GLDN: variants seen among roughly 807,000 people sequenced by gnomAD.
The protein encoded by GLDN is gliomedin.
In GLDN, 47 loss-of-function variants were observed where a neutral mutation model predicts 56.5. That is an observed-to-expected ratio of 0.83 (90% confidence interval 0.66 to 1.06). GLDN has a LOEUF of 1.06. Ranked by LOEUF, GLDN falls within the 50% of genes least tolerant of loss-of-function variation. The pLI is 0.00. For missense variants in GLDN, 782 were observed against 714.3 expected, an observed-to-expected ratio of 1.09 and a Z score of -1.08; for synonymous variants, 332 against 278.8, an observed-to-expected ratio of 1.19 and a Z score of -1.90.
At chr15:51,396,367 A>G (rs1309595928) in intron 5 of GLDN, among the ~76,000 whole-genome samples, 1 of 152,220 alleles carries the variant, frequency 6.6e-6, no homozygotes, top group Non-Finnish European at 1.5e-5. Flanking sequence ...CATTTCCCCT[A>G]CAAATACAGT....
At chr15:51,409,298 C>T (rs1378490919), downstream of GLDN, among the ~76,000 whole-genome samples, 2 of 151,902 alleles carry the variant, frequency 1.3e-5, no homozygotes, top group African/African-American at 4.8e-5. Flanking sequence ...TCTTTCTAAC[C>T]TTCCCTAGAA....
chr15:51,351,748 T>C (rs1280626272), intron 1 of GLDN, among the ~76,000 whole-genome samples: 1 of 152,100 alleles, frequency 6.6e-6, no homozygotes, highest in African/African-American at 2.4e-5. Flanking sequence ...CCCCATTCTC[T>C]CTCCCTAATT....
At chr15:51,389,655 G>A (rs115457679) in intron 4 of GLDN, among the ~76,000 whole-genome samples, 1,886 of 152,230 alleles carry the variant, frequency 0.012, 53 homozygotes, top group African/African-American at 0.044. Context: ...TGGGAAAGGC[G>A]GGGGAACAGG....
At chr15:51,393,454 A>G (rs1367804105) in intron 4 of GLDN, among the ~76,000 whole-genome samples, 1 of 152,128 alleles carries the variant, frequency 6.6e-6, no homozygotes, top group African/African-American at 2.4e-5. Context: ...GGGAATGAGG[A>G]CTTTTTCCTG....
At chr15:51,351,486 C>T (rs896821772) in intron 1 of GLDN, among the ~76,000 whole-genome samples, 1 of 152,188 alleles carries the variant, frequency 6.6e-6, no homozygotes, top group Non-Finnish European at 1.5e-5. Flanking sequence ...TATTTAGTAG[C>T]TCTGCCCACT....
intron 1 of GLDN, among the ~76,000 whole-genome samples, chr15:51,359,579 A>G (rs988927387): frequency 5.3e-5 from 8 of 152,224 alleles, no homozygotes; most frequent in African/African-American, 1.9e-4. Context: ...GGGATTAAGA[A>G]AGACCAGAAA....
intron 2 of GLDN, among the ~76,000 whole-genome samples, chr15:51,381,889 C>CCTGCTTT (rs1566944993): frequency 6.6e-6 from 1 of 152,002 alleles, no homozygotes; most frequent in African/African-American, 2.4e-5. Context: ...GCTATCAAAC[C>CCTGCTTT]CACACTGCTT....
At chr15:51,400,312 A>G (rs748636690) in intron 7 of GLDN, 37 bp downstream of exon 7, 1 of 1,614,056 alleles carries the variant, frequency 6.2e-7, no homozygotes, top group Admixed American at 1.7e-5. Flanking sequence ...AAATTCAGAA[A>G]TTGAATACCT....
chr15:51,401,705 T>G lies in GLDN; in HGVS notation c.1140T>G (p.Ser380=). The change falls in exon 9 of 10, where the codon TCT becomes TCG. Residue 380 remains serine, a synonymous_variant. Transcript: ENST00000335449. The part of the protein sequence containing the change: ...HGCGHVVYNN[S]LYYHKGGSNT... ...GTGGGCACGTTGTTTACAACAACTC[T>G]CTCTACTACCACAAAGGGGGTTCTA... 6.2e-7 allele frequency: 1 copy of G among 1,614,174 alleles called. No homozygotes were observed. Among genetic ancestry groups the G allele is most frequent in the East Asian group, 2.2e-5 (1 of 44,882 alleles).
rs761612865 is a variant in GLDN, at chr15:51,404,326, T to G, written c.1228T>G (p.Leu410Val). The G allele has an allele frequency of 1.2e-6, 2 of 1,611,964 alleles. No homozygotes were observed. Among genetic ancestry groups the G allele is most frequent in the African/African-American group, 1.3e-5 (1 of 74,840 alleles). Residue 410 changes from leucine (L) to valine (V), a missense_variant, in exon 10 of 10, where the codon TTG becomes GTG. By Grantham distance (32) the Leu-to-Val change is conservative. Coordinates refer to ENST00000335449, the MANE Select transcript of GLDN (RefSeq NM_181789.4). ...TSQTLKLENA[L>V]YFDRKYLFAN... ...CCAAACTCTGAAGCTTGAAAATGCCTTGTATTTTGATCGAAAATACCTTTT... is the reference window on the plus strand; with the variant it reads ...CCAAACTCTGAAGCTTGAAAATGCCGTGTATTTTGATCGAAAATACCTTTT...
At chr15:51,395,639 G>A (rs2038110698) in intron 5 of GLDN, among the ~76,000 whole-genome samples, 2 of 152,154 alleles carry the variant, frequency 1.3e-5, no homozygotes, top group African/African-American at 4.8e-5. Context: ...GCAGCCCAGG[G>A]GCGGTGGACT....
At chr15:51,363,521 C>T (rs917977943) in intron 1 of GLDN, among the ~76,000 whole-genome samples, 2 of 152,176 alleles carry the variant, frequency 1.3e-5, no homozygotes, top group Admixed American at 6.5e-5. Context: ...AAACACTCAG[C>T]GCCTGTTATG....
At chr15:51,373,357 G>A (rs1280491222) in intron 1 of GLDN, among the ~76,000 whole-genome samples, 3 of 152,260 alleles carry the variant, frequency 2.0e-5, no homozygotes, top group Admixed American at 6.5e-5. Flanking sequence ...TGAGAGTTTC[G>A]CATCCCTCAA....
chr15:51,395,036 C>T, intron 5 of GLDN, 55 bp downstream of exon 5: 2 of 1,481,740 alleles, frequency 1.3e-6, no homozygotes, highest in Non-Finnish European at 1.8e-6. Flanking sequence ...AGAGAACTGC[C>T]TGGCTTCCAA....
intron 1 of GLDN, among the ~76,000 whole-genome samples, chr15:51,365,233 T>C (rs187929962): frequency 5.9e-5 from 9 of 152,362 alleles, no homozygotes; most frequent in Admixed American, 2.0e-4. Context: ...TTAAAAAATA[T>C]GTTCATTTGT....
chr15:51,346,169 A>AT (rs145373356), intron 1 of GLDN, among the ~76,000 whole-genome samples: 5,646 of 151,742 alleles, frequency 0.037, 336 homozygotes, highest in African/African-American at 0.13. Flanking sequence ...CTATCAATAG[A>AT]TTTTTTTTTC....
intron 1 of GLDN, among the ~76,000 whole-genome samples, chr15:51,360,086 G>C (rs1276022475): frequency 6.6e-6 from 1 of 151,924 alleles, no homozygotes; most frequent in African/African-American, 2.4e-5. Flanking sequence ...GCAGACATTA[G>C]AAAGAAACTT....
At chr15:51,381,856 A>G (rs34680970) in intron 2 of GLDN, among the ~76,000 whole-genome samples, 6 of 149,844 alleles carry the variant, frequency 4.0e-5, no homozygotes, top group Non-Finnish European at 8.9e-5. Flanking sequence ...ACCTAGTTCT[A>G]TCCATCTACC....
At chr15:51,383,957 A>G (rs1460498417) in intron 4 of GLDN, 65 bp downstream of exon 4, 1 of 1,213,848 alleles carries the variant, frequency 8.2e-7, no homozygotes, top group Admixed American at 2.0e-5. Context: ...ATTTGGGTCG[A>G]CTAAAACTGT....
Sources: gnomAD v4.1 joint callset for allele counts (sites outside exome capture counted in the v4.1 genomes callset) on GRCh38, gnomAD v4.1.1 for gene constraint, MANE v1.5 for transcripts, NCBI Gene and HGNC (gene_info 2026-07-23, HGNC 2026-07-21) for gene names.